ARPC1A: variants seen among roughly 807,000 people sequenced by gnomAD.
ARPC1A encodes the protein actin related protein 2/3 complex subunit 1A.
ARPC1A carries 8 observed loss-of-function variants against 46.9 expected under a neutral mutation model. That is an observed-to-expected ratio of 0.17 (90% CI 0.10 to 0.31). The LOEUF (loss-of-function observed/expected upper bound fraction) is 0.31, where lower values mean the gene tolerates loss of function less well. Ranked by LOEUF, ARPC1A falls within the 10% of genes least tolerant of loss-of-function variation. The pLI is 1.00. For synonymous variants in ARPC1A, 152 were observed against 169.0 expected, an observed-to-expected ratio of 0.90 and a Z score of 0.78; for missense variants, 286 against 483.6, an observed-to-expected ratio of 0.59 and a Z score of 3.83.
At chr7:99,347,851 A>C (rs573947021) in intron 4 of ARPC1A, among the ~76,000 whole-genome samples, 227 of 152,036 alleles carry the variant, frequency 1.5e-3, no homozygotes, top group African/African-American at 5.1e-3. Context: ...AAAAAGAAAG[A>C]AAGTGATTCT....
intron 9 of ARPC1A, 73 bp from the exon 10 acceptor site, chr7:99,365,818 A>T: frequency 6.9e-7 from 1 of 1,453,204 alleles, no homozygotes; most frequent in Non-Finnish European, 9.4e-7. Flanking sequence ...CCTGAGGAAG[A>T]GGGAGTGGTG....
chr7:99,364,500 A>G (rs777074538), intron 9 of ARPC1A, among the ~76,000 whole-genome samples: 13 of 150,258 alleles, frequency 8.7e-5, no homozygotes, highest in Non-Finnish European at 1.6e-4. Context: ...TCGAACTCCC[A>G]ACCTCAGGTG....
At chr7:99,359,102 A>G (rs1183585098) in intron 7 of ARPC1A, among the ~76,000 whole-genome samples, 3 of 146,588 alleles carry the variant, frequency 2.0e-5, no homozygotes, top group Non-Finnish European at 4.5e-5. Flanking sequence ...AAGTGCTGGG[A>G]TTACAGGTGT....
intron 6 of ARPC1A, among the ~76,000 whole-genome samples, chr7:99,355,509 C>A (rs935610581): frequency 2.6e-5 from 4 of 152,128 alleles, no homozygotes; most frequent in Non-Finnish European, 5.9e-5. Flanking sequence ...CTTTGGGAGG[C>A]CAAGGTGGGT....
At chr7:99,362,373 C>T (rs1275914539) in intron 8 of ARPC1A, among the ~76,000 whole-genome samples, 1 of 142,986 alleles carries the variant, frequency 7.0e-6, no homozygotes. Flanking sequence ...TCTCTGTCAC[C>T]CAGGCTGGAG....
intron 6 of ARPC1A, among the ~76,000 whole-genome samples, chr7:99,355,337 C>T (rs982727876): frequency 1.3e-5 from 2 of 151,950 alleles, no homozygotes; most frequent in Non-Finnish European, 2.9e-5. Flanking sequence ...ACAAATTCTC[C>T]GGTTGGAAAA....
At chr7:99,356,431 C>A (rs1162591391) in intron 6 of ARPC1A, among the ~76,000 whole-genome samples, 1 of 150,372 alleles carries the variant, frequency 6.7e-6, no homozygotes, top group Non-Finnish European at 1.5e-5. Context: ...ATGGAGAAAC[C>A]CCGCCTCTAC....
intron 6 of ARPC1A, among the ~76,000 whole-genome samples, chr7:99,357,396 G>A (rs189512451): frequency 7.8e-4 from 119 of 151,664 alleles, no homozygotes; most frequent in Admixed American, 1.5e-3. Flanking sequence ...ACTCTCTGTC[G>A]CCCAGGCTGG....
intron 8 of ARPC1A, among the ~76,000 whole-genome samples, chr7:99,363,245 C>T (rs1258675121): frequency 6.6e-6 from 1 of 152,032 alleles, no homozygotes; most frequent in East Asian, 1.9e-4. Flanking sequence ...TTGTTGCAGC[C>T]TAATGTTCAT....
intron 8 of ARPC1A, among the ~76,000 whole-genome samples, chr7:99,362,481 G>A (rs371114557): frequency 1.1e-4 from 16 of 146,934 alleles, no homozygotes; most frequent in Non-Finnish European, 1.6e-4. Flanking sequence ...ACAGGCGCCC[G>A]CCACCATGCC....
chr7:99,354,326 G>T (rs1439417437), intron 6 of ARPC1A, among the ~76,000 whole-genome samples: 2 of 151,782 alleles, frequency 1.3e-5, no homozygotes, highest in Non-Finnish European at 2.9e-5. Context: ...TTCAAGACCA[G>T]CCTGGCCAAG....
rs150004356 is a variant in ARPC1A at position 99,354,121 on chromosome 7, A to G, written c.713A>G (p.Gln238Arg). 264 of 1,613,192 alleles carry G rather than the reference A, an allele frequency of 1.6e-4. 2 individuals carry two copies. In the East Asian group the frequency reaches 5.8e-3, roughly 35 times the overall value. The change falls in exon 6 of 10, where the codon CAG (glutamine) becomes CGG (arginine). Residue 238 changes from glutamine (Q) to arginine (R), a missense_variant and splice_region_variant. Physicochemically the swap from Gln to Arg is conservative, Grantham distance 43. Coordinates refer to ENST00000262942, the MANE Select transcript of ARPC1A (RefSeq NM_006409.4). ...GTTGCTGATGCCTCAAAAAGTGTGCAGTGAGTATTTGCCTTTCATTTGGAA... is the reference window on the plus strand; with the variant it reads ...GTTGCTGATGCCTCAAAAAGTGTGCGGTGAGTATTTGCCTTTCATTTGGAA... ...VSVADASKSVQVSTLKTEFLP... is the reference protein window; with the variant it reads ...VSVADASKSVRVSTLKTEFLP...
chr7:99,359,490 A>G (rs1208441873), intron 7 of ARPC1A, 55 bp from the exon 8 acceptor site: 2 of 1,569,134 alleles, frequency 1.3e-6, no homozygotes, highest in Admixed American at 1.7e-5. Flanking sequence ...CACTCTGCCA[A>G]GGAGGTGGGC....
chr7:99,338,159 G>C (rs1028066885), intron 2 of ARPC1A, 22 bp from the exon 3 acceptor site: 8 of 1,554,300 alleles, frequency 5.1e-6, no homozygotes, highest in Admixed American at 3.4e-5. Flanking sequence ...GGTGTTAACT[G>C]TTGTTTGACT....
intron 3 of ARPC1A, among the ~76,000 whole-genome samples, chr7:99,341,011 T>C (rs1055401604): frequency 6.6e-6 from 1 of 152,198 alleles, no homozygotes. Flanking sequence ...TACTCATATT[T>C]TAAATTGGAA....
Position 99,359,708 on chromosome 7 carries a change from C to T in ARPC1A, c.953C>T (p.Ala318Val). Residue 318 changes from alanine (A) to valine (V), a missense_variant, in exon 8 of 10, where the codon GCC becomes GTC. Physicochemically the swap from Ala to Val is moderately conservative, Grantham distance 64. Transcript: ENST00000262942. The part of the protein sequence containing the change: ...KRATTEDRNT[A>V]LETLHQNSIT... ...GCCACAACTGAGGACCGCAACACGG[C>T]CTTGGAGACGCTGCACCAGAATAGC... 1 of 1,614,184 alleles carries T rather than the reference C, an allele frequency of 6.2e-7. No individual in the cohort carries two copies. The highest frequency in any genetic ancestry group is 8.5e-7 in the Non-Finnish European group (1 of 1,180,050).
intron 3 of ARPC1A, among the ~76,000 whole-genome samples, chr7:99,339,328 G>A (rs978528763): frequency 1.1e-4 from 16 of 152,026 alleles, no homozygotes; most frequent in Admixed American, 7.9e-4. Flanking sequence ...CGGGAGGATC[G>A]CTTGAACCCA....
chr7:99,347,426 C>G (rs1314079438), intron 4 of ARPC1A, among the ~76,000 whole-genome samples: 6 of 152,144 alleles, frequency 3.9e-5, no homozygotes, highest in Middle Eastern at 3.2e-3. Context: ...ATTCTGTAGC[C>G]AGGCGTGGTG....
In ARPC1A at chr7:99,329,439, T is replaced by C. The variant is rs531072474; in HGVS notation, c.-30+3435T>C. 2.0e-5 allele frequency among the ~76,000 whole-genome samples: 3 copies of C among 152,358 alleles called. No individual in the cohort carries two copies. The South Asian group carries it at 6.2e-4, about 32-fold the overall frequency. On this transcript the variant is annotated intron_variant, in intron 1 of 9. Transcript: ENST00000262942. ...AACATTAACCATAGTTTAGAAATTA[T>C]AATTATCACCCTATGACAGAAGGTA...
Sources: allele counts gnomAD v4.1 joint callset (sites outside exome capture counted in the v4.1 genomes callset), GRCh38; gene constraint gnomAD v4.1.1; transcripts MANE v1.5; gene names NCBI Gene and HGNC (gene_info 2026-07-23, HGNC 2026-07-21).